Variants in MICAL2 observed in about 807,000 individuals in gnomAD.
The protein encoded by MICAL2 is microtubule associated monooxygenase, calponin and LIM domain containing 2, also known as [F-actin]-monooxygenase MICAL2.
In MICAL2, 77 loss-of-function variants were observed where a neutral mutation model predicts 127.3. The ratio of observed to expected loss-of-function variants is 0.60; its 90% confidence interval spans 0.50 to 0.73. The LOEUF (loss-of-function observed/expected upper bound fraction) is 0.73, where lower values mean the gene tolerates loss of function less well. Among genes scored for constraint, MICAL2 ranks in the 30% least tolerant of loss-of-function variants. The pLI, the probability that MICAL2 is intolerant of heterozygous loss-of-function variation, is 0.00. For missense variants in MICAL2, 1,351 were observed against 1,434.4 expected, an observed-to-expected ratio of 0.94 and a Z score of 0.94; for synonymous variants, 570 against 551.1, an observed-to-expected ratio of 1.03 and a Z score of -0.48.
intron 29 of MICAL2, among the ~76,000 whole-genome samples, chr11:12,305,798 TC>T (rs1480576199): frequency 4.6e-5 from 7 of 152,350 alleles, no homozygotes; most frequent in South Asian, 2.1e-4. Context: ...CTTCAATTTT[TC>T]TTAATGTTTT....
In MICAL2 at chr11:12,181,414, G is replaced by A. The variant is rs112140821; in HGVS notation, c.264+18995G>A. Among the ~76,000 whole-genome samples, 328 of 152,308 alleles carry A rather than the reference G, an allele frequency of 2.2e-3. 1 individual carries two copies. Among genetic ancestry groups the A allele is most frequent in the African/African-American group, 7.5e-3 (311 of 41,568 alleles). On this transcript the variant is annotated intron_variant, in intron 3 of 27. Transcript: ENST00000683283. ...TGATGGATTTAGTAGTTTTCAATTT[G>A]CGGTTAAGGATGGCATTTGTAGCCT...
chr11:12,356,528 C>G (rs181498496), intron 34 of MICAL2, among the ~76,000 whole-genome samples: 7 of 152,238 alleles, frequency 4.6e-5, no homozygotes, highest in African/African-American at 4.8e-5. Flanking sequence ...ATGGCATCCC[C>G]CATCATTGGG....
downstream of MICAL2, among the ~76,000 whole-genome samples, chr11:12,360,119 T>TA (rs369069433): frequency 0.029 from 4,223 of 144,898 alleles, 222 homozygotes; most frequent in African/African-American, 0.11. Context: ...TTTTTTTTTT[T>TA]AAAAAAAAAA....
At chr11:12,276,978 C>A (rs1863728172) in intron 1 of MICAL2, among the ~76,000 whole-genome samples, 1 of 152,142 alleles carries the variant, frequency 6.6e-6, no homozygotes, top group Non-Finnish European at 1.5e-5. Context: ...ATTATTGATG[C>A]CCACAATAAT....
At chr11:12,257,950 G>A (rs949831189) in intron 24 of MICAL2, among the ~76,000 whole-genome samples, 3 of 152,110 alleles carry the variant, frequency 2.0e-5, no homozygotes, top group East Asian at 1.9e-4. Flanking sequence ...TTTCCCACCC[G>A]CCAGGTATTC....
intron 1 of MICAL2, among the ~76,000 whole-genome samples, chr11:12,280,705 C>T (rs775910422): frequency 6.6e-6 from 1 of 152,342 alleles, no homozygotes; most frequent in East Asian, 1.9e-4. Flanking sequence ...GGCCTTATCT[C>T]TAGATGCAGT....
At chr11:12,300,829 G>A (rs892365801) in intron 29 of MICAL2, among the ~76,000 whole-genome samples, 6 of 152,162 alleles carry the variant, frequency 3.9e-5, no homozygotes, top group Admixed American at 6.5e-5. Flanking sequence ...GATAATAAAA[G>A]GGTGTTGTTG....
chr11:12,200,893 T>C (rs1298787133), intron 3 of MICAL2, among the ~76,000 whole-genome samples: 1 of 152,096 alleles, frequency 6.6e-6, no homozygotes, highest in Non-Finnish European at 1.5e-5. Flanking sequence ...TGCAGGGGGC[T>C]CCCCTCCTTC....
chr11:12,256,340 A>G (rs78367912), intron 23 of MICAL2: 2,952 of 161,120 alleles, frequency 0.018, 94 homozygotes, highest in African/African-American at 0.067. Context: ...AACCTGTGCC[A>G]CTGCAGGGGA....
At chr11:12,201,177 C>T (rs1032271189) in intron 3 of MICAL2, among the ~76,000 whole-genome samples, 1 of 152,044 alleles carries the variant, frequency 6.6e-6, no homozygotes, top group Non-Finnish European at 1.5e-5. Context: ...AGCACGTGGG[C>T]TTGCACACCC....
intron 16 of MICAL2, among the ~76,000 whole-genome samples, chr11:12,237,195 C>T (rs966243517): frequency 2.0e-5 from 3 of 152,122 alleles, no homozygotes; most frequent in Non-Finnish European, 4.4e-5. Context: ...CAAAGGGAAG[C>T]GCTGACAAAG....
intron 29 of MICAL2, among the ~76,000 whole-genome samples, chr11:12,309,351 C>T (rs12421823): frequency 0.4 from 60,971 of 151,890 alleles, 14,904 homozygotes; most frequent in Non-Finnish European, 0.55. Context: ...CTTCTGCTTC[C>T]GTGGTAACCA....
At chr11:12,236,931 C>G (rs1405283211) in intron 16 of MICAL2, among the ~76,000 whole-genome samples, 1 of 152,202 alleles carries the variant, frequency 6.6e-6, no homozygotes, top group Non-Finnish European at 1.5e-5. Flanking sequence ...AGCCTACTGG[C>G]TGACCTCAAA....
At chr11:12,344,569 G>C (rs992301589) in intron 32 of MICAL2, among the ~76,000 whole-genome samples, 1 of 148,426 alleles carries the variant, frequency 6.7e-6, no homozygotes, top group Non-Finnish European at 1.5e-5. Context: ...GGTGCAATCG[G>C]GGTTCACTGC....
chr11:12,258,434 A>C (rs1862628307), intron 24 of MICAL2, 34 bp from the exon 25 acceptor site: 1 of 1,577,852 alleles, frequency 6.3e-7, no homozygotes. Flanking sequence ...TACAGGAGAA[A>C]AATTTTTCTG....
At chr11:12,220,593 T>C (rs1406814966) in intron 9 of MICAL2, 135 bp downstream of exon 9, 3 of 1,268,466 alleles carry the variant, frequency 2.4e-6, no homozygotes, top group African/African-American at 3.0e-5. Context: ...CTGCCAAGCC[T>C]GTCCCGGCCT....
In MICAL2 at chr11:12,236,196, A is replaced by G. The variant is rs1386362799; in HGVS notation, c.2015A>G (p.Glu672Gly). 6.2e-7 allele frequency: 1 copy of G among 1,614,132 alleles called. No homozygotes were observed. The highest frequency in any genetic ancestry group is 8.5e-7 in the Non-Finnish European group (1 of 1,180,010). Residue 672 changes from glutamate to glycine, a missense_variant, in exon 16 of 28, where the codon GAG becomes GGG. Glu to Gly is a moderately conservative substitution (Grantham distance 98, BLOSUM62 -2). This residue lies in a region of MICAL2 where 752 missense variants were observed against 719.4 expected (regional missense o/e 1.05). Transcript: ENST00000683283. ...TTGCAGGTGGATGGTCAAACCGGAGAGAATGACATGAACAAACGGAGACGG... is the reference window on the plus strand; with the variant it reads ...TTGCAGGTGGATGGTCAAACCGGAGGGAATGACATGAACAAACGGAGACGG... ...RTPRVDGQTG[E>G]NDMNKRRRKG...
intron 34 of MICAL2, among the ~76,000 whole-genome samples, chr11:12,357,369 C>G (rs187855794): frequency 1.5e-3 from 231 of 152,312 alleles, no homozygotes; most frequent in African/African-American, 5.3e-3. Context: ...TCTAACAATC[C>G]TATCTCCCCC....
At chr11:12,202,684 T>C (rs1854166120) in intron 3 of MICAL2, among the ~76,000 whole-genome samples, 1 of 152,222 alleles carries the variant, frequency 6.6e-6, no homozygotes, top group South Asian at 2.1e-4. Context: ...ATTTTACCCC[T>C]AGCCTGAGAA....
Sources: allele counts gnomAD v4.1 joint callset (sites outside exome capture counted in the v4.1 genomes callset), GRCh38; gene constraint gnomAD v4.1.1; regional missense constraint gnomAD v4.1.1; transcripts MANE v1.5; gene names NCBI Gene and HGNC (gene_info 2026-07-23, HGNC 2026-07-21).